The following AGO2 variants were observed in gnomAD, a reference collection of about 807,000 sequenced individuals.
AGO2 encodes protein argonaute-2.
Under a neutral mutation model 102.3 loss-of-function variants are expected in AGO2, and 5 were observed. The observed-to-expected ratio is 0.05, with a 90% confidence interval of 0.03 to 0.10. The LOEUF (loss-of-function observed/expected upper bound fraction) is 0.10. AGO2 is among the 10% of genes least tolerant of loss of function. The pLI, the probability that AGO2 is intolerant of heterozygous loss-of-function variation, is 1.00. For synonymous variants in AGO2, 449 were observed against 473.1 expected (o/e 0.95, Z 0.66); for missense variants, 541 against 1,183.7 (o/e 0.46, Z 7.97).
At chr8:140,600,724 CGGA>C (rs1291791893) in intron 1 of AGO2, among the ~76,000 whole-genome samples, 1 of 151,236 alleles carries the variant, frequency 6.6e-6, no homozygotes. Flanking sequence ...TTTTCCCATT[CGGA>C]GGAGAATTAC....
chr8:140,596,712 G>A (rs576501707), intron 1 of AGO2, among the ~76,000 whole-genome samples: 2 of 152,322 alleles, frequency 1.3e-5, no homozygotes, highest in East Asian at 1.9e-4. Flanking sequence ...TTTTCCCAGC[G>A]TAGTCTCACA....
At chr8:140,641,173 C>G in the AGO2 span, among the ~76,000 whole-genome samples, 1 of 151,934 alleles carries the variant, frequency 6.6e-6, no homozygotes, top group Non-Finnish European at 1.5e-5. Context: ...TGCTTGTAGT[C>G]CCAGCTACTC....
intron 10 of AGO2, 47 bp from the exon 11 acceptor site, chr8:140,551,483 T>A (rs772677846): frequency 1.4e-6 from 2 of 1,470,594 alleles, no homozygotes; most frequent in South Asian, 2.7e-5. Flanking sequence ...GGAAAACATA[T>A]TCCTTCAACC....
chr8:140,584,057 G>A (rs1171628101), intron 2 of AGO2, among the ~76,000 whole-genome samples: 1 of 150,558 alleles, frequency 6.6e-6, no homozygotes. Context: ...TCGCTCCGGA[G>A]GATGCTTACA....
At position 140,522,272 on chromosome 8, in the gene AGO2, A is replaced by G. The variant is rs1179783762; in HGVS notation, c.*9772T>C. The stretch of plus-strand genomic sequence containing the variant: ...TCTCACTGTTTGGTTACTTTTTCCA[A>G]TTTAATTTGACAGACTTAGTAATAG... On this transcript the variant is annotated 3_prime_UTR_variant, in exon 19 of 19. Transcript: ENST00000220592. The G allele has an allele frequency of 7.2e-5, 11 of 152,220 alleles. No homozygotes were observed. Among genetic ancestry groups the G allele is most frequent in the Admixed American group, 6.5e-4 (10 of 15,290 alleles). 9.4% of individuals were successfully genotyped at this position (152,220 alleles called of 1,614,324 possible).
At chr8:140,533,065 C>A (rs2072627510) in intron 17 of AGO2, among the ~76,000 whole-genome samples, 1 of 149,844 alleles carries the variant, frequency 6.7e-6, no homozygotes, top group Non-Finnish European at 1.5e-5. Flanking sequence ...AAACTGTATA[C>A]ATTTATTTAC....
At chr8:140,601,490 C>A (rs1387118949) in intron 1 of AGO2, among the ~76,000 whole-genome samples, 1 of 152,252 alleles carries the variant, frequency 6.6e-6, no homozygotes, top group African/African-American at 2.4e-5. Flanking sequence ...TACCCCAGGG[C>A]TTAGAATCAT....
chr8:140,581,531 G>C (rs989541004), intron 2 of AGO2, among the ~76,000 whole-genome samples: 58 of 151,794 alleles, frequency 3.8e-4, no homozygotes, highest in African/African-American at 1.4e-3. Context: ...AAAAAAAAAA[G>C]GAAATGTGTA....
At chr8:140,585,043 C>A in intron 2 of AGO2, 76 bp downstream of exon 2, 1 of 1,385,360 alleles carries the variant, frequency 7.2e-7, no homozygotes, top group East Asian at 2.5e-5. Flanking sequence ...CTGAGAATTT[C>A]AGAGTTGATT....
chr8:140,546,943 G>A (rs201449625), intron 13 of AGO2, among the ~76,000 whole-genome samples: 9 of 152,112 alleles, frequency 5.9e-5, no homozygotes, highest in East Asian at 3.9e-4. Flanking sequence ...CCCAACCCCC[G>A]TCCCCGGCGG....
intron 1 of AGO2, among the ~76,000 whole-genome samples, chr8:140,624,268 G>A (rs2074248861): frequency 6.6e-6 from 1 of 152,072 alleles, no homozygotes; most frequent in Admixed American, 6.5e-5. Flanking sequence ...GGCCAGCCTT[G>A]CCCCCTGCCT....
chr8:140,615,348 C>T (rs567965677), intron 1 of AGO2, among the ~76,000 whole-genome samples: 11 of 152,356 alleles, frequency 7.2e-5, no homozygotes, highest in South Asian at 2.1e-4. Flanking sequence ...TAAGACTCAG[C>T]GCCGAAGGCC....
Position 140,535,294 on chromosome 8 carries a change from C to T in AGO2, c.2271+174G>A, listed in dbSNP as rs538046154. The stretch of plus-strand genomic sequence containing the variant: ...GCTCATGCTGACCCACCCCCCAGGC[C>T]CCTCTCCCCACCCCAGCGCCTGGCA... On this transcript the variant is annotated intron_variant, in intron 17 of 18. Transcript: ENST00000220592. 4.6e-6 allele frequency: 3 copies of T among 650,678 alleles called. No homozygotes were observed. In the East Asian group the frequency reaches 8.3e-5, roughly 18 times the overall value. The allele number at this position is 650,678 out of a possible 1,614,324, so 40.3% of individuals were successfully genotyped here.
At chr8:140,624,483 T>G (rs543663970) in intron 1 of AGO2, among the ~76,000 whole-genome samples, 1 of 152,284 alleles carries the variant, frequency 6.6e-6, no homozygotes, top group African/African-American at 2.4e-5. Flanking sequence ...GCCACCAATC[T>G]GCAAGAAAGA....
chr8:140,569,819 A>C (rs890799962), intron 3 of AGO2, among the ~76,000 whole-genome samples: 1 of 152,184 alleles, frequency 6.6e-6, no homozygotes, highest in Non-Finnish European at 1.5e-5. Flanking sequence ...GAAGGCAGGC[A>C]GGCTAACATT....
At chr8:140,631,464 G>A (rs1563661767) in intron 1 of AGO2, among the ~76,000 whole-genome samples, 1 of 151,850 alleles carries the variant, frequency 6.6e-6, no homozygotes, top group East Asian at 1.9e-4. Context: ...AACCCGGGAG[G>A]AGGAGGAGGT....
chr8:140,618,269 G>A (rs907280445), intron 1 of AGO2, among the ~76,000 whole-genome samples: 2 of 151,702 alleles, frequency 1.3e-5, no homozygotes, highest in South Asian at 2.1e-4. Flanking sequence ...GCAGTGAGCC[G>A]AGATCGTGCC....
chr8:140,592,028 G>A (rs62529973), intron 1 of AGO2: 6 of 152,146 alleles, frequency 3.9e-5, no homozygotes, highest in African/African-American at 7.2e-5. Flanking sequence ...GCTGAGGCAG[G>A]AGAATCACTT....
intron 1 of AGO2, among the ~76,000 whole-genome samples, chr8:140,622,385 G>A (rs1165635551): frequency 3.0e-3 from 6 of 1,988 alleles, no homozygotes; most frequent in Admixed American, 0.022. Flanking sequence ...AATGCACATG[G>A]GGTCTCCTCT....
Sources: allele counts gnomAD v4.1 joint callset (sites outside exome capture counted in the v4.1 genomes callset), GRCh38; gene constraint gnomAD v4.1.1; transcripts MANE v1.5; gene names NCBI Gene and HGNC (gene_info 2026-07-23, HGNC 2026-07-21).